The following TMPRSS3 variants were observed in gnomAD, a reference collection of about 807,000 sequenced individuals.
The protein encoded by TMPRSS3 is transmembrane protease serine 3.
In TMPRSS3, 55 loss-of-function variants were observed where a neutral mutation model predicts 59.6. The observed-to-expected ratio is 0.92, with a 90% CI of 0.74 to 1.16. The LOEUF (loss-of-function observed/expected upper bound fraction) is 1.16, where lower values mean the gene tolerates loss of function less well. Among genes scored for constraint, TMPRSS3 ranks in the 50% most tolerant of loss-of-function variants. The pLI, the probability that TMPRSS3 is intolerant of heterozygous loss-of-function variation, is 0.00. For synonymous variants in TMPRSS3, 257 were observed against 237.7 expected (o/e 1.08, Z -0.75); for missense variants, 596 against 579.4 (o/e 1.03, Z -0.29).
At chr21:42,380,313 C>A in intron 9 of TMPRSS3, 101 bp from the exon 10 acceptor site, 1 of 964,218 alleles carries the variant, frequency 1.0e-6, no homozygotes, top group East Asian at 2.6e-5. Flanking sequence ...AACTATCTCC[C>A]AAGGGAAGGA....
intron 3 of TMPRSS3, 26 bp from the exon 4 acceptor site, chr21:42,389,071 T>A: frequency 1.2e-6 from 2 of 1,613,638 alleles, no homozygotes; most frequent in Non-Finnish European, 1.7e-6. Flanking sequence ...AAGGCAGGAA[T>A]TAACCAACAG....
At chr21:42,389,106 A>G in intron 3 of TMPRSS3, 61 bp from the exon 4 acceptor site, 1 of 1,608,086 alleles carries the variant, frequency 6.2e-7, no homozygotes, top group East Asian at 2.2e-5. Context: ...AACACTAACA[A>G]CTGTCCCCCT....
Position 42,372,721 on chromosome 21 carries a change from A to T in TMPRSS3, c.*41T>A. ...TCCAGGGGAGGATCGGGCTGTCTTCATCACCTCAGGAACTCAGGTGGCTAC... is the reference window on the plus strand; with the variant it reads ...TCCAGGGGAGGATCGGGCTGTCTTCTTCACCTCAGGAACTCAGGTGGCTAC... On this transcript the variant is annotated 3_prime_UTR_variant, in exon 13 of 13. Transcript: ENST00000644384. 1.9e-6 allele frequency: 3 copies of T among 1,612,106 alleles called. No homozygotes were observed. Among genetic ancestry groups the T allele is most frequent in the Non-Finnish European group, 2.5e-6 (3 of 1,178,114 alleles).
rs764627057 is a variant in TMPRSS3 at position 42,385,449 on chromosome 21, C to T, written c.532G>A (p.Asp178Asn). The T allele has an allele frequency of 6.2e-7, 1 of 1,614,206 alleles. No individual in the cohort carries two copies. The highest frequency in any genetic ancestry group is 8.5e-7 in the Non-Finnish European group (1 of 1,180,030). The change falls in exon 6 of 13, where the codon GAT becomes AAT. Residue 178 changes from aspartate to asparagine, a missense_variant. Coordinates refer to ENST00000644384, the MANE Select transcript of TMPRSS3 (RefSeq NM_001256317.3). ...TGGTGTAATGCAGTCACCTTGTCAT[C>T]TGGCAAGAGGTGATCGATGGACACA... ...EFVSIDHLLPDDKVTALHHSV... is the reference protein window; with the variant it reads ...EFVSIDHLLPNDKVTALHHSV...
chr21:42,389,062 A>G lies in TMPRSS3; in HGVS notation c.206-17T>C. The G allele has an allele frequency of 3.1e-6, 5 of 1,613,944 alleles. No homozygotes were observed. The highest frequency in any genetic ancestry group is 4.2e-6 in the Non-Finnish European group (5 of 1,179,988). On this transcript the variant is annotated splice_polypyrimidine_tract_variant and intron_variant, in intron 3 of 12. Coordinates refer to ENST00000644384, the MANE Select transcript of TMPRSS3 (RefSeq NM_001256317.3). The stretch of plus-strand genomic sequence containing the variant: ...CGAAGTGGACTGGGAAAAGGGAGGA[A>G]GGCAGGAATTAACCAACAGCTCTTT...
rs561314115 is a variant in TMPRSS3 at position 42,389,142 on chromosome 21, G to T, written c.206-97C>A. 6 of 1,573,628 alleles carry T rather than the reference G, an allele frequency of 3.8e-6. No individual in the cohort carries two copies. In the Admixed American group the frequency reaches 1.1e-4, roughly 29 times the overall value. ...GCCACACAGTGCGGAGCTGGCCCGTGAATAATGAAACCTGTATTGAAATTG... is the reference window on the plus strand; with the variant it reads ...GCCACACAGTGCGGAGCTGGCCCGTTAATAATGAAACCTGTATTGAAATTG... On this transcript the variant is annotated intron_variant, in intron 3 of 12. Coordinates refer to ENST00000644384, the MANE Select transcript of TMPRSS3 (RefSeq NM_001256317.3).
At chr21:42,383,742 C>T (rs377672988) in intron 7 of TMPRSS3, 171 of 708,300 alleles carry the variant, frequency 2.4e-4, no homozygotes, top group African/African-American at 2.2e-3. Context: ...TGGTCCTGTC[C>T]GCTGCTAATG....
chr21:42,389,003 A>C lies in TMPRSS3; in HGVS notation c.248T>G (p.Phe83Cys). The C allele has an allele frequency of 6.2e-7, 1 of 1,614,172 alleles. No homozygotes were observed. The highest frequency in any genetic ancestry group is 8.5e-7 in the Non-Finnish European group (1 of 1,180,018). The change falls in exon 4 of 13, where the codon TTT becomes TGT. Residue 83 changes from phenylalanine (F) to cysteine (C), a missense_variant. Phe to Cys is a radical substitution (Grantham distance 205, BLOSUM62 -2). Coordinates refer to ENST00000644384, the MANE Select transcript of TMPRSS3 (RefSeq NM_001256317.3). ...TCGAGCTATCAGCTCGATACACTTA[A>C]AGGATGAGCGACATCTGTACTTCCC... The part of the protein sequence containing the change: ...CSGKYRCRSS[F>C]KCIELIARCD...
At chr21:42,392,686 G>C (rs748242015) in intron 2 of TMPRSS3, among the ~76,000 whole-genome samples, 22 of 152,134 alleles carry the variant, frequency 1.4e-4, no homozygotes, top group Non-Finnish European at 2.1e-4. Flanking sequence ...CTCACACCTC[G>C]ATCCCCCGCA....
intron 7 of TMPRSS3, 55 bp from the exon 8 acceptor site, chr21:42,383,253 A>T (rs1471967602): frequency 6.3e-7 from 1 of 1,590,564 alleles, no homozygotes; most frequent in East Asian, 2.2e-5. Flanking sequence ...TTTGGGGGAC[A>T]TGGTGTCACC....
chr21:42,381,625 G>A lies in TMPRSS3; in HGVS notation c.952+440C>T, dbSNP rs535611709. Among the ~76,000 whole-genome samples the A allele has an allele frequency of 9.3e-4, 141 of 152,234 alleles. 1 individual carries two copies. Among genetic ancestry groups the A allele is most frequent in the African/African-American group, 2.9e-3 (122 of 41,542 alleles). On this transcript the variant is annotated intron_variant, in intron 9 of 12. Transcript: ENST00000644384. ...TGCCTCCAGGTGGCACCAACAGGGAGAAGGTGGCACCAACAGGGAGAAGGT... is the reference window on the plus strand; with the variant it reads ...TGCCTCCAGGTGGCACCAACAGGGAAAAGGTGGCACCAACAGGGAGAAGGT...
intron 2 of TMPRSS3, among the ~76,000 whole-genome samples, chr21:42,394,173 T>G (rs1351207171): frequency 6.6e-6 from 1 of 152,016 alleles, no homozygotes; most frequent in Non-Finnish European, 1.5e-5. Context: ...TCCTCCCCAC[T>G]ACTTAGTCAT....
chr21:42,376,126 T>C (rs1412770084), intron 11 of TMPRSS3, among the ~76,000 whole-genome samples: 2 of 152,160 alleles, frequency 1.3e-5, no homozygotes, highest in East Asian at 3.9e-4. Flanking sequence ...ACCCTGACCC[T>C]CTGAAGCTCA....
chr21:42,375,340 C>T (rs2052405690), intron 12 of TMPRSS3, among the ~76,000 whole-genome samples: 1 of 150,896 alleles, frequency 6.6e-6, no homozygotes, highest in Admixed American at 6.6e-5. Flanking sequence ...AAGGTCCTCT[C>T]CCGCACTGTC....
At chr21:42,383,589 C>T in intron 7 of TMPRSS3, 1 of 510,490 alleles carries the variant, frequency 2.0e-6, no homozygotes. Context: ...CCAGACCCCA[C>T]CCTTGTGGTG....
chr21:42,374,045 C>G (rs1199110552), intron 12 of TMPRSS3, among the ~76,000 whole-genome samples: 1 of 152,200 alleles, frequency 6.6e-6, no homozygotes, highest in African/African-American at 2.4e-5. Flanking sequence ...ACCGGCTTCT[C>G]CTTTCCTGCC....
chr21:42,378,927 C>A (rs2052473947), intron 10 of TMPRSS3, among the ~76,000 whole-genome samples: 1 of 152,116 alleles, frequency 6.6e-6, no homozygotes, highest in Non-Finnish European at 1.5e-5. Context: ...CTCTGTCACC[C>A]AAGCTGGAGT....
chr21:42,381,773 T>C, intron 9 of TMPRSS3: 1 of 538,788 alleles, frequency 1.9e-6, no homozygotes, highest in Non-Finnish European at 3.4e-6. Context: ...ACAAACTACA[T>C]TTAAACAGGG....
At chr21:42,379,515 C>T (rs528667236) in intron 10 of TMPRSS3, among the ~76,000 whole-genome samples, 1 of 152,212 alleles carries the variant, frequency 6.6e-6, no homozygotes, top group East Asian at 1.9e-4. Flanking sequence ...ACGGCAGCCA[C>T]GGAAAATGAA....
Sources: gnomAD v4.1 joint callset for allele counts (sites outside exome capture counted in the v4.1 genomes callset) on GRCh38, gnomAD v4.1.1 for gene constraint, MANE v1.5 for transcripts, NCBI Gene and HGNC (gene_info 2026-07-23, HGNC 2026-07-21) for gene names.